Variants in MAL observed in about 807,000 individuals in gnomAD.
MAL encodes the protein mal, T cell differentiation protein (MAL blood group).
In MAL, 5 loss-of-function variants were observed where a neutral mutation model predicts 16.7. That is an observed-to-expected ratio of 0.30 (90% confidence interval 0.16 to 0.63). The LOEUF (loss-of-function observed/expected upper bound fraction) is 0.63. Among genes scored for constraint, MAL ranks in the 30% least tolerant of loss-of-function variants. The pLI is 0.82. For synonymous variants in MAL, 96 were observed against 85.5 expected (o/e 1.12, Z -0.67); for missense variants, 202 against 195.8 (o/e 1.03, Z -0.19).
chr2:95,036,609 GTGAA>G (rs532346812), intron 1 of MAL, among the ~76,000 whole-genome samples: 1 of 152,244 alleles, frequency 6.6e-6, no homozygotes, highest in Admixed American at 6.5e-5. Context: ...AAATGCGTGA[GTGAA>G]TGAATGAATG....
In MAL at chr2:95,037,660, GTGAC is replaced by G. The variant is rs200262229; in HGVS notation, c.94-10291_94-10288del. Among the ~76,000 whole-genome samples the G allele has an allele frequency of 4.6e-3, 698 of 151,050 alleles. 5 individuals are homozygous for G. The highest frequency in any genetic ancestry group is 7.0e-3 in the Middle Eastern group (2 of 286). On this transcript the variant is annotated intron_variant, in intron 1 of 3. Transcript: ENST00000309988. Reference sequence around the variant, plus strand: ...AGTGAGTGAGCAAGCGAGTGAGTGAGTGACTGACTGAGTGACTGAGTGAGTGAGT... The same window carrying G: ...AGTGAGTGAGCAAGCGAGTGAGTGAGTGACTGAGTGACTGAGTGAGTGAGT...
At chr2:95,030,341 C>A (rs1044389128) in intron 1 of MAL, among the ~76,000 whole-genome samples, 5 of 152,206 alleles carry the variant, frequency 3.3e-5, no homozygotes, top group Admixed American at 6.5e-5. Flanking sequence ...ATAGCCAATG[C>A]TCTCCCCTCC....
chr2:95,039,924 T>C lies in MAL; in HGVS notation c.94-8035T>C, dbSNP rs1297878001. Reference sequence around the variant, plus strand: ...ATCCTCCCTCTCAGATGCATTTTCTTAGGGGAAGAGCCGCAGGACTTTGCG... The same window carrying C: ...ATCCTCCCTCTCAGATGCATTTTCTCAGGGGAAGAGCCGCAGGACTTTGCG... On this transcript the variant is annotated intron_variant, in intron 1 of 3. Coordinates refer to ENST00000309988, the MANE Select transcript of MAL (RefSeq NM_002371.4). Among the ~76,000 whole-genome samples, 16 of 152,150 alleles carry C rather than the reference T, an allele frequency of 1.1e-4. 1 individual carries two copies. The highest frequency in any genetic ancestry group is 9.2e-4 in the Admixed American group (14 of 15,288).
chr2:95,053,065 AG>A (rs904551793), intron 3 of MAL: 3 of 281,500 alleles, frequency 1.1e-5, no homozygotes, highest in African/African-American at 4.3e-5. Context: ...CTTTCATTGG[AG>A]GGGTCTTTGA....
intron 1 of MAL, among the ~76,000 whole-genome samples, chr2:95,037,095 G>A (rs1249069245): frequency 1.3e-5 from 2 of 151,616 alleles, no homozygotes; most frequent in Non-Finnish European, 2.9e-5. Flanking sequence ...ATGAGTGAGT[G>A]AGTGGGTGAG....
intron 1 of MAL, among the ~76,000 whole-genome samples, chr2:95,044,787 G>A (rs1206853947): frequency 4.6e-5 from 7 of 152,232 alleles, no homozygotes; most frequent in South Asian, 4.1e-4. Context: ...CGCAGCTGCC[G>A]GAAGCTCAGA....
chr2:95,047,874 C>T (rs1229059906), intron 1 of MAL, 85 bp from the exon 2 acceptor site: 1 of 1,360,646 alleles, frequency 7.3e-7, no homozygotes, highest in East Asian at 2.4e-5. Context: ...GCACTCCAGT[C>T]ACCCCATGTG....
chr2:95,045,615 C>T (rs528523862), intron 1 of MAL, among the ~76,000 whole-genome samples: 1 of 152,188 alleles, frequency 6.6e-6, no homozygotes, highest in Non-Finnish European at 1.5e-5. Context: ...GAGGAAGCAA[C>T]TTAAATTGGT....
chr2:95,025,773 G>A lies in MAL; in HGVS notation c.-20G>A. 6.6e-7 allele frequency: 1 copy of A among 1,517,788 alleles called. No individual in the cohort carries two copies. The highest frequency in any genetic ancestry group is 1.3e-5 in the South Asian group (1 of 79,458). 94.0% of individuals were successfully genotyped at this position (1,517,788 alleles called of 1,614,324 possible). A position where few individuals can be genotyped will look rare whatever the true frequency, so the allele number is the denominator to read the frequency against. ...TGAGCGGCGCTCGTCCCGTCCCAAG[G>A]CCGACGCCAGCACGCCGTCATGGCC... On this transcript the variant is annotated 5_prime_UTR_variant, in exon 1 of 4. Transcript: ENST00000309988. This position sits in a 1 kb window ranked among gnomAD's most constrained non-coding sequence, Gnocchi z 5.6.
At chr2:95,029,635 T>G (rs1344697556) in intron 1 of MAL, among the ~76,000 whole-genome samples, 2 of 152,200 alleles carry the variant, frequency 1.3e-5, no homozygotes, top group African/African-American at 4.8e-5. Flanking sequence ...ACAGGGGATA[T>G]GCACATTGTC....
At chr2:95,045,823 A>G (rs1447856732) in intron 1 of MAL, among the ~76,000 whole-genome samples, 1 of 152,206 alleles carries the variant, frequency 6.6e-6, no homozygotes, top group Non-Finnish European at 1.5e-5. Context: ...CGTTATGGAA[A>G]AGGCCACATA....
intron 1 of MAL, among the ~76,000 whole-genome samples, chr2:95,038,303 G>A (rs1414204166): frequency 8.3e-5 from 9 of 108,300 alleles, no homozygotes; most frequent in African/African-American, 2.5e-4. Context: ...TGAGTGACTT[G>A]GTGAGTGAGT....
At chr2:95,041,153 T>C (rs950795961) in intron 1 of MAL, among the ~76,000 whole-genome samples, 5 of 152,116 alleles carry the variant, frequency 3.3e-5, no homozygotes, top group African/African-American at 1.2e-4. Flanking sequence ...GCGGAAACAC[T>C]GGGGACTGTG....
intron 1 of MAL, among the ~76,000 whole-genome samples, chr2:95,038,357 TG>T (rs1218782791): frequency 1.3e-5 from 2 of 151,540 alleles, no homozygotes; most frequent in African/African-American, 4.9e-5. Context: ...ACTGAGTGAG[TG>T]AGTGGCTAAG....
intron 1 of MAL, among the ~76,000 whole-genome samples, chr2:95,039,120 CTGAGTGAGTGAGTGAGTGAG>C (rs765976536): frequency 4.2e-5 from 3 of 71,296 alleles, no homozygotes; most frequent in South Asian, 4.6e-4. Flanking sequence ...GTCTGAGTGA[CTGAGTGAGTGAGTGAGTGAG>C]TGAGTGACTG....
At chr2:95,043,626 G>A (rs541642173) in intron 1 of MAL, among the ~76,000 whole-genome samples, 2 of 152,316 alleles carry the variant, frequency 1.3e-5, no homozygotes, top group South Asian at 2.1e-4. Flanking sequence ...AAAGGCAAGG[G>A]GCATGACTCA....
chr2:95,032,805 C>T (rs549170540), intron 1 of MAL, among the ~76,000 whole-genome samples: 8 of 152,328 alleles, frequency 5.3e-5, no homozygotes, highest in South Asian at 4.1e-4. Flanking sequence ...GGGTCATGAA[C>T]GTGCCACACT....
chr2:95,039,134 G>C (rs1454654005), intron 1 of MAL, among the ~76,000 whole-genome samples: 8 of 151,510 alleles, frequency 5.3e-5, no homozygotes, highest in African/African-American at 1.5e-4. Context: ...GTGAGTGAGT[G>C]AGTGAGTGAG....
chr2:95,026,213 C>G, intron 1 of MAL: 1 of 211,088 alleles, frequency 4.7e-6, no homozygotes, highest in Non-Finnish European at 9.3e-6. Context: ...CCACTTGACG[C>G]GCGCAGCGCC....
Sources: gnomAD v4.1 joint callset for allele counts (sites outside exome capture counted in the v4.1 genomes callset) on GRCh38, gnomAD v4.1.1 for gene constraint, Gnocchi (gnomAD v3.1) non-coding constraint, MANE v1.5 for transcripts, NCBI Gene and HGNC (gene_info 2026-07-23, HGNC 2026-07-21) for gene names.